DHRS12: variants seen among roughly 807,000 people sequenced by gnomAD.
DHRS12 encodes dehydrogenase/reductase SDR family member 12.
A neutral mutation model predicts 32.1 loss-of-function variants in DHRS12; 29 were observed. The ratio of observed to expected loss-of-function variants is 0.90; its 90% CI spans 0.67 to 1.23. The LOEUF (loss-of-function observed/expected upper bound fraction) is 1.23, where lower values mean the gene tolerates loss of function less well. Among genes scored for constraint, DHRS12 ranks in the 50% most tolerant of loss-of-function variants. The pLI is 0.00. For synonymous variants in DHRS12, 150 were observed against 135.9 expected, an observed-to-expected ratio of 1.10 and a Z score of -0.72; for missense variants, 330 against 337.2, an observed-to-expected ratio of 0.98 and a Z score of 0.17.
intron 2 of DHRS12, among the ~76,000 whole-genome samples, chr13:51,798,587 TTC>T (rs909230215): frequency 8.5e-5 from 13 of 152,188 alleles, no homozygotes; most frequent in African/African-American, 3.1e-4. Context: ...CTAGCCCCTC[TTC>T]TCTCCTCCTC....
At chr13:51,767,695 G>GTT (rs1953794597), downstream of DHRS12, 1 of 149,456 alleles carries the variant, frequency 6.7e-6, no homozygotes, top group African/African-American at 2.6e-5. Context: ...TCATTAAATT[G>GTT]TTTGTGTAAA....
the DHRS12 span, chr13:51,761,299 TGTGTA>T: frequency 6.6e-6 from 1 of 152,198 alleles, no homozygotes; most frequent in African/African-American, 2.4e-5. Context: ...AATATTCTTG[TGTGTA>T]GTGATTCAGC....
the DHRS12 span, among the ~76,000 whole-genome samples, chr13:51,757,124 A>G: frequency 6.6e-6 from 1 of 152,218 alleles, no homozygotes; most frequent in Non-Finnish European, 1.5e-5. Flanking sequence ...TGTCTTCTCA[A>G]TCCTTCCAGC....
chr13:51,780,742 C>T (rs562032714), intron 4 of DHRS12, among the ~76,000 whole-genome samples: 26 of 152,146 alleles, frequency 1.7e-4, no homozygotes, highest in Non-Finnish European at 3.4e-4. Flanking sequence ...AGAGATGCCG[C>T]GTGTTCTTAG....
At position 51,768,256 on chromosome 13, in the gene DHRS12, C is replaced by G; in HGVS notation, c.738G>C (p.Ala246=). Residue 246 remains alanine (A), a synonymous_variant, in exon 9 of 9, where the codon GCG becomes GCC. Transcript: ENST00000444610. ...PVSTHLPLAT[A]SSSPAEEEKL... is the part of the protein sequence containing the mutation. Reference sequence around the variant, plus strand: ...TCTCCTCTTCGGCCGGTGAGGAGGACGCTGTAGCGAGAGGCAAGTGTGTAG... The same window carrying G: ...TCTCCTCTTCGGCCGGTGAGGAGGAGGCTGTAGCGAGAGGCAAGTGTGTAG... 1.3e-6 allele frequency: 2 copies of G among 1,536,096 alleles called. No individual in the cohort carries two copies. The highest frequency in any genetic ancestry group is 1.7e-6 in the Non-Finnish European group (2 of 1,146,916).
intron 4 of DHRS12, among the ~76,000 whole-genome samples, chr13:51,784,618 G>T (rs986912962): frequency 2.0e-5 from 3 of 152,210 alleles, no homozygotes; most frequent in Admixed American, 2.0e-4. Flanking sequence ...GAGCCTTGAA[G>T]GTTTGTGAGC....
chr13:51,755,514 T>G, the DHRS12 span: 3 of 1,556,492 alleles, frequency 1.9e-6, no homozygotes, highest in Non-Finnish European at 2.7e-6. Flanking sequence ...AGCTCAACCA[T>G]GTGATCTTAG....
intron 4 of DHRS12, among the ~76,000 whole-genome samples, chr13:51,788,857 C>T (rs1427171645): frequency 6.6e-6 from 1 of 150,546 alleles, no homozygotes; most frequent in African/African-American, 2.5e-5. Flanking sequence ...AAGATCCTGT[C>T]TCAAAAAAAA....
At chr13:51,774,254 AT>A (rs67686329) in intron 5 of DHRS12, 24,498 of 437,364 alleles carry the variant, frequency 0.056, 926 homozygotes, top group Admixed American at 0.14. Flanking sequence ...ATTCTCCTAC[AT>A]GTATTCTCCT....
At chr13:51,770,007 G>A (rs1489212637) in intron 7 of DHRS12, among the ~76,000 whole-genome samples, 3 of 152,144 alleles carry the variant, frequency 2.0e-5, no homozygotes, top group African/African-American at 7.2e-5. Flanking sequence ...AGCACATTGG[G>A]AAACAAAATA....
intron 4 of DHRS12, among the ~76,000 whole-genome samples, chr13:51,785,573 G>T (rs571225022): frequency 2.6e-5 from 4 of 152,260 alleles, no homozygotes; most frequent in African/African-American, 9.6e-5. Flanking sequence ...CGCACACCTG[G>T]GCCTCTGCCA....
At chr13:51,767,888 C>T (rs776048302), downstream of DHRS12, 120 of 747,418 alleles carry the variant, frequency 1.6e-4, no homozygotes, top group Middle Eastern at 5.6e-4. Context: ...CCCACCCCTG[C>T]GTCCCCTAAG....
chr13:51,787,061 T>C (rs1954991231), intron 4 of DHRS12, among the ~76,000 whole-genome samples: 1 of 152,178 alleles, frequency 6.6e-6, no homozygotes, highest in Admixed American at 6.5e-5. Context: ...CCCTCTGTGC[T>C]GGCATGCCTC....
the DHRS12 span, chr13:51,756,734 C>T: frequency 1.3e-6 from 1 of 746,784 alleles, no homozygotes; most frequent in Middle Eastern, 6.7e-4. Flanking sequence ...CCAGAACAAA[C>T]CCTTCTGTCT....
the DHRS12 span, among the ~76,000 whole-genome samples, chr13:51,757,853 A>T: frequency 2.7e-5 from 4 of 150,724 alleles, no homozygotes; most frequent in Admixed American, 2.6e-4. Context: ...TTTTAATTAG[A>T]CTATTTTACT....
chr13:51,769,274 C>T lies in DHRS12; in HGVS notation c.579G>A (p.Pro193=), dbSNP rs755680235. ...GGTCCCCGAACCTGGCGTGGAACCC[C>T]GGCATCGCCTGCCTCACACCTGGGA... ...ADTPGVRQAM[P]GFHARFGDRL... Residue 193 remains proline, a synonymous_variant, in exon 8 of 9, where the codon CCG becomes CCA. Transcript: ENST00000444610. The T allele has an allele frequency of 2.2e-5, 35 of 1,580,018 alleles. No individual in the cohort carries two copies. The Middle Eastern group carries it at 1.5e-3, about 67-fold the overall frequency.
chr13:51,803,839 C>G (rs1202486683), intron 1 of DHRS12: 1 of 384,838 alleles, frequency 2.6e-6, no homozygotes. Context: ...GGGCGCCAGT[C>G]TCGGTCGCGG....
intron 1 of DHRS12, among the ~76,000 whole-genome samples, chr13:51,802,168 T>TTC (rs1955785419): frequency 8.5e-6 from 1 of 117,960 alleles, no homozygotes. Context: ...GTCTCTATTT[T>TTC]TCACACACAC....
At chr13:51,788,419 G>A (rs557378422) in intron 4 of DHRS12, among the ~76,000 whole-genome samples, 57 of 152,232 alleles carry the variant, frequency 3.7e-4, no homozygotes, top group African/African-American at 1.3e-3. Context: ...TTTGAAAAAT[G>A]CAACCTCATC....
Sources: gnomAD v4.1 joint callset for allele counts (sites outside exome capture counted in the v4.1 genomes callset) on GRCh38, gnomAD v4.1.1 for gene constraint, MANE v1.5 for transcripts, NCBI Gene and HGNC (gene_info 2026-07-23, HGNC 2026-07-21) for gene names.